Variants in ARFGEF2 observed in about 807,000 individuals in gnomAD.
The protein encoded by ARFGEF2 is brefeldin A-inhibited guanine nucleotide-exchange protein 2.
Under a neutral mutation model 219.9 loss-of-function variants are expected in ARFGEF2, and 74 were observed. The ratio of observed to expected loss-of-function variants is 0.34; its 90% CI spans 0.28 to 0.41. The LOEUF (loss-of-function observed/expected upper bound fraction) is 0.41, where lower values mean the gene tolerates loss of function less well. ARFGEF2 is among the 10% of genes least tolerant of loss of function. The pLI, the probability that ARFGEF2 is intolerant of heterozygous loss-of-function variation, is 1.00. For missense variants in ARFGEF2, 1,743 were observed against 2,218.3 expected, an observed-to-expected ratio of 0.79 and a Z score of 4.30; for synonymous variants, 733 against 799.2, an observed-to-expected ratio of 0.92 and a Z score of 1.40.
chr20:48,939,386 A>G (rs977345153), intron 1 of ARFGEF2, among the ~76,000 whole-genome samples: 3 of 152,102 alleles, frequency 2.0e-5, no homozygotes, highest in African/African-American at 7.2e-5. Context: ...TAACAAGGTA[A>G]TGGTGATTGG....
chr20:48,985,675 T>C, intron 16 of ARFGEF2, 62 bp downstream of exon 16: 1 of 1,551,104 alleles, frequency 6.4e-7, no homozygotes, highest in South Asian at 1.1e-5. Context: ...ACGCTAATTC[T>C]AATTTGGTTG....
chr20:48,971,238 T>C lies in ARFGEF2; in HGVS notation c.1309T>C (p.Cys437Arg). The change falls in exon 10 of 39, where the codon TGT becomes CGT. Residue 437 changes from cysteine (C) to arginine (R), a missense_variant. Physicochemically the swap from Cys to Arg is radical, Grantham distance 180. This residue lies in a region of ARFGEF2 where 666 missense variants were observed against 955.4 expected (regional missense o/e 0.70). Transcript: ENST00000371917. ...CATCAATGCAATCAAGCAATATCTCTGTGTGGCCTTGTCCAAAAACGGCGT... is the reference window on the plus strand; with the variant it reads ...CATCAATGCAATCAAGCAATATCTCCGTGTGGCCTTGTCCAAAAACGGCGT... The part of the protein sequence containing the change: ...MFINAIKQYL[C>R]VALSKNGVSS... 1 of 1,614,182 alleles carries C rather than the reference T, an allele frequency of 6.2e-7. No homozygotes were observed. Among genetic ancestry groups the C allele is most frequent in the Non-Finnish European group, 8.5e-7 (1 of 1,180,028 alleles).
intron 35 of ARFGEF2, 41 bp from the exon 36 acceptor site, chr20:49,025,272 T>C (rs377093482): frequency 2.6e-5 from 41 of 1,582,348 alleles, no homozygotes; most frequent in African/African-American, 4.0e-5. Flanking sequence ...GAGCATTCCA[T>C]CTTCTTCATT....
At chr20:48,982,383 C>T (rs1350395832) in intron 14 of ARFGEF2, among the ~76,000 whole-genome samples, 1 of 152,138 alleles carries the variant, frequency 6.6e-6, no homozygotes, top group African/African-American at 2.4e-5. Flanking sequence ...AGCATCGTCC[C>T]AGAGGGGCAC....
intron 3 of ARFGEF2, among the ~76,000 whole-genome samples, chr20:48,944,585 C>G (rs916685665): frequency 1.5e-4 from 23 of 152,172 alleles, no homozygotes; most frequent in African/African-American, 5.3e-4. Flanking sequence ...CTCAGCCTCT[C>G]AAGTAGCTGG....
At chr20:48,995,995 C>G in intron 23 of ARFGEF2, 113 bp downstream of exon 23, 1 of 950,088 alleles carries the variant, frequency 1.1e-6, no homozygotes, top group Non-Finnish European at 1.7e-6. Flanking sequence ...GTGTTGTTAG[C>G]TACAAATTGC....
Position 48,976,263 on chromosome 20 carries a change from G to C in ARFGEF2, c.1958+64G>C, listed in dbSNP as rs182552362. On this transcript the variant is annotated intron_variant, in intron 14 of 38. Coordinates refer to ENST00000371917, the MANE Select transcript of ARFGEF2 (RefSeq NM_006420.3). ...AAGCCATATTTTCTCTGGGAACCTG[G>C]AACTGATTCCTAAAAAGGAAATGCC... is the stretch of plus-strand genomic sequence containing the variant. 8.1e-4 allele frequency: 1,284 copies of C among 1,580,934 alleles called. 17 individuals carry two copies. The highest frequency in any genetic ancestry group is 6.7e-5 in the Non-Finnish European group (78 of 1,158,872).
intron 1 of ARFGEF2, among the ~76,000 whole-genome samples, chr20:48,938,823 G>A (rs1254891088): frequency 6.6e-6 from 1 of 152,192 alleles, no homozygotes; most frequent in Non-Finnish European, 1.5e-5. Flanking sequence ...CTGAGGAGCT[G>A]CCGCACCCCT....
Position 48,952,889 on chromosome 20 carries a change from G to C in ARFGEF2, c.603+5G>C. On this transcript the variant is annotated splice_donor_5th_base_variant and intron_variant, in intron 5 of 38. Coordinates refer to ENST00000371917, the MANE Select transcript of ARFGEF2 (RefSeq NM_006420.3). ...ACCCGCATGGAAAACCAAGTGGTGA[G>C]TGACAGCACTTACGTGCTAGGGGCA... 6.2e-7 allele frequency: 1 copy of C among 1,614,096 alleles called. No individual in the cohort carries two copies. Among genetic ancestry groups the C allele is most frequent in the Non-Finnish European group, 8.5e-7 (1 of 1,179,894 alleles).
intron 20 of ARFGEF2, among the ~76,000 whole-genome samples, 162 bp downstream of exon 20, chr20:48,989,846 C>T (rs915395914): frequency 6.6e-6 from 1 of 152,102 alleles, no homozygotes; most frequent in African/African-American, 2.4e-5. Context: ...GATGACAGCT[C>T]GTTAGGGGCA....
chr20:48,933,784 C>A (rs1237588005), intron 1 of ARFGEF2, among the ~76,000 whole-genome samples: 1 of 151,898 alleles, frequency 6.6e-6, no homozygotes, highest in Admixed American at 6.6e-5. Flanking sequence ...GCATGTGGGG[C>A]TGTTTTTTAT....
In ARFGEF2 at chr20:48,963,990, C is replaced by A. The variant is rs1445497220; in HGVS notation, c.907+92C>A. 6.8e-6 allele frequency: 8 copies of A among 1,181,368 alleles called. No homozygotes were observed. In the Admixed American group the frequency reaches 7.9e-5, roughly 12 times the overall value. 73.2% of individuals were successfully genotyped at this position (1,181,368 alleles called of 1,614,324 possible). ...TTTTAGTGGTGGAGTTTCCTCTTCC[C>A]TGCCCTAAGAACTGGTGGAGCTCAT... On this transcript the variant is annotated intron_variant, in intron 7 of 38. Coordinates refer to ENST00000371917, the MANE Select transcript of ARFGEF2 (RefSeq NM_006420.3).
Position 49,036,229 on chromosome 20 carries a change from G to A in ARFGEF2, c.*3030G>A. On this transcript the variant is annotated 3_prime_UTR_variant, in exon 39 of 39. Coordinates refer to ENST00000371917, the MANE Select transcript of ARFGEF2 (RefSeq NM_006420.3). ...AAGTAGACATAGCTGAACTCACATG[G>A]AATCCTGGAGTTTTGTTATCAGCAG... The A allele has an allele frequency of 2.5e-6, 1 of 398,280 alleles. No individual in the cohort carries two copies. The highest frequency in any genetic ancestry group is 4.4e-5 in the Admixed American group (1 of 22,722). 24.7% of individuals were successfully genotyped at this position (398,280 alleles called of 1,614,324 possible).
chr20:48,953,654 G>A lies in ARFGEF2; in HGVS notation c.702G>A (p.Lys234=), dbSNP rs144949006. The A allele has an allele frequency of 6.2e-7, 1 of 1,614,142 alleles. No homozygotes were observed. Among genetic ancestry groups the A allele is most frequent in the South Asian group, 1.1e-5 (1 of 91,080 alleles). The change falls in exon 6 of 39, where the codon AAG becomes AAA. Residue 234 remains lysine, a synonymous_variant. Coordinates refer to ENST00000371917, the MANE Select transcript of ARFGEF2 (RefSeq NM_006420.3). ...AAVSPKFVRL[K]HSQAQSKPTT... is the part of the protein sequence containing the mutation. ...TATCCCCAAAGTTCGTTCGTTTGAA[G>A]CACAGTCAGGCACAAAGCAAACCAA...
At chr20:48,977,516 G>A (rs532209206) in intron 14 of ARFGEF2, among the ~76,000 whole-genome samples, 97 of 152,294 alleles carry the variant, frequency 6.4e-4, no homozygotes, top group African/African-American at 2.2e-3. Flanking sequence ...TGAGTCAAAT[G>A]CTATTTCTAG....
chr20:48,931,670 T>TGGGG (rs1320626857), intron 1 of ARFGEF2, among the ~76,000 whole-genome samples: 1 of 136,904 alleles, frequency 7.3e-6, no homozygotes, highest in Non-Finnish European at 1.6e-5. Context: ...TGGAGATATC[T>TGGGG]GGGGGGAGGG....
chr20:48,974,450 A>T (rs181278238), intron 12 of ARFGEF2, among the ~76,000 whole-genome samples: 77 of 151,792 alleles, frequency 5.1e-4, no homozygotes, highest in African/African-American at 1.7e-3. Flanking sequence ...AAAATTTAAA[A>T]TTTTTTTTTA....
At chr20:49,010,124 G>T (rs1334300622) in intron 26 of ARFGEF2, 108 bp from the exon 27 acceptor site, 1 of 1,371,114 alleles carries the variant, frequency 7.3e-7, no homozygotes, top group East Asian at 2.3e-5. Flanking sequence ...GTGGATTGCT[G>T]TGTGCTATAA....
At chr20:48,928,370 T>G (rs1224291136) in intron 1 of ARFGEF2, among the ~76,000 whole-genome samples, 1 of 144,742 alleles carries the variant, frequency 6.9e-6, no homozygotes, top group African/African-American at 2.6e-5. Context: ...GGCTAATTTT[T>G]TGTATTTTTA....
Sources: gnomAD v4.1 joint callset for allele counts (sites outside exome capture counted in the v4.1 genomes callset) on GRCh38, gnomAD v4.1.1 for gene constraint, gnomAD v4.1.1 regional missense constraint, MANE v1.5 for transcripts, NCBI Gene and HGNC (gene_info 2026-07-23, HGNC 2026-07-21) for gene names.